Variants in XDH observed in about 807,000 individuals in gnomAD.
The protein encoded by XDH is xanthine dehydrogenase.
A neutral mutation model predicts 156.1 loss-of-function variants in XDH; 138 were observed. The observed-to-expected ratio is 0.88, with a 90% CI of 0.77 to 1.02. The LOEUF is 1.02. Among genes scored for constraint, XDH ranks in the 50% least tolerant of loss-of-function variants. The pLI, the probability that XDH is intolerant of heterozygous loss-of-function variation, is 0.00. For synonymous variants in XDH, 669 were observed against 625.7 expected (o/e 1.07, Z -1.03); for missense variants, 1,849 against 1,684.9 (o/e 1.10, Z -1.71).
At chr2:31,407,752 G>T (rs2148012030) in intron 1 of XDH, among the ~76,000 whole-genome samples, 1 of 152,222 alleles carries the variant, frequency 6.6e-6, no homozygotes, top group East Asian at 1.9e-4. Context: ...ATAACCATAA[G>T]ATTTTTTATT....
In XDH at chr2:31,362,278, G is replaced by T. The variant is rs1278247648; in HGVS notation, c.2631+1880C>A. On this transcript the variant is annotated intron_variant, in intron 24 of 35. Transcript: ENST00000379416. ...ACTAGTGGAACCAGGATTCAGAAAA[G>T]ATGTCTGGATCCAAAAAGGGGAGGC... Among the ~76,000 whole-genome samples the T allele has an allele frequency of 2.6e-5, 4 of 152,248 alleles. No homozygotes were observed. In the East Asian group the frequency reaches 5.8e-4, roughly 22 times the overall value.
chr2:31,348,984 G>A lies in XDH; in HGVS notation c.2970-4C>T. 2 of 1,612,408 alleles carry A rather than the reference G, an allele frequency of 1.2e-6. No homozygotes were observed. Among genetic ancestry groups the A allele is most frequent in the Non-Finnish European group, 1.7e-6 (2 of 1,178,486 alleles). On this transcript the variant is annotated splice_polypyrimidine_tract_variant and splice_region_variant and intron_variant, in intron 26 of 35. Transcript: ENST00000379416. The stretch of plus-strand genomic sequence containing the variant: ...TCTCTTTTTCCAACAATTCTCCCTA[G>A]AGAAAAAGGAATATTCTTATAGAAC...
At position 31,339,617 on chromosome 2, in the gene XDH, G is replaced by A. The variant is rs767242541; in HGVS notation, c.3646C>T (p.Pro1216Ser). ...CCACGGGTGTGCAGGCTCCCCTCGGGGGAATAGTGTAGCTCCTCTAGGGTG... is the reference window on the plus strand; with the variant it reads ...CCACGGGTGTGCAGGCTCCCCTCGGAGGAATAGTGTAGCTCCTCTAGGGTG... ...LFTLEELHYS[P>S]EGSLHTRGPS... is the part of the protein sequence containing the mutation. The change falls in exon 34 of 36, where the codon CCC becomes TCC. Residue 1216 changes from proline (P) to serine (S), a missense_variant. By Grantham distance (74) the Pro-to-Ser change is moderately conservative. Transcript: ENST00000379416. 1.9e-6 allele frequency: 3 copies of A among 1,613,986 alleles called. No individual in the cohort carries two copies. The highest frequency in any genetic ancestry group is 1.3e-5 in the African/African-American group (1 of 74,944).
chr2:31,388,713 G>T (rs1005938461), intron 6 of XDH, among the ~76,000 whole-genome samples: 1 of 152,174 alleles, frequency 6.6e-6, no homozygotes, highest in East Asian at 1.9e-4. Context: ...GGGCGTGGCT[G>T]GTGTCTCCCA....
intron 20 of XDH, 70 bp downstream of exon 20, chr2:31,367,891 T>C: frequency 2.8e-6 from 4 of 1,417,440 alleles, no homozygotes; most frequent in South Asian, 2.3e-5. Context: ...CAGGGTTCAA[T>C]GCATATCTCT....
At chr2:31,389,184 A>T (rs1460762046) in intron 6 of XDH, among the ~76,000 whole-genome samples, 3 of 152,224 alleles carry the variant, frequency 2.0e-5, no homozygotes, top group African/African-American at 7.2e-5. Context: ...TCTGCAAGTC[A>T]GCCACAGGAG....
At chr2:31,395,739 C>T (rs957456273) in intron 6 of XDH, among the ~76,000 whole-genome samples, 2 of 152,232 alleles carry the variant, frequency 1.3e-5, no homozygotes, top group African/African-American at 4.8e-5. Flanking sequence ...GCCTGTCTGT[C>T]TCTCCAATTT....
At chr2:31,375,023 C>CTTTTTTTTTT (rs60340656) in intron 15 of XDH, among the ~76,000 whole-genome samples, 44 of 92,350 alleles carry the variant, frequency 4.8e-4, no homozygotes, top group Non-Finnish European at 6.3e-4. Flanking sequence ...TTCTTTCTTT[C>CTTTTTTTTTT]TTTTTTTTTT....
At chr2:31,370,943 T>C (rs1686055110) in intron 17 of XDH, among the ~76,000 whole-genome samples, 2 of 152,198 alleles carry the variant, frequency 1.3e-5, no homozygotes. Context: ...GAACAGCACT[T>C]ACTCTGGAGC....
rs1685376034 is a variant in XDH, at chr2:31,348,937, T to C, written c.3013A>G (p.Lys1005Glu). 1 of 1,613,452 alleles carries C rather than the reference T, an allele frequency of 6.2e-7. No individual in the cohort carries two copies. Among genetic ancestry groups the C allele is most frequent in the South Asian group, 1.1e-5 (1 of 91,078 alleles). ...KKRGLCIIPT[K>E]FGISFTVPFL... Reference sequence around the variant, plus strand: ...GGAACTGTAAAGCTTATTCCAAACTTGGTGGGAATTATGCACAATCCTCTC... The same window carrying C: ...GGAACTGTAAAGCTTATTCCAAACTCGGTGGGAATTATGCACAATCCTCTC... Residue 1005 changes from lysine (K) to glutamate (E), a missense_variant, in exon 27 of 36, where the codon AAG becomes GAG. By Grantham distance (56) the Lys-to-Glu change is moderately conservative (BLOSUM62 1). Coordinates refer to ENST00000379416, the MANE Select transcript of XDH (RefSeq NM_000379.4).
chr2:31,386,656 A>C (rs1686605937), intron 8 of XDH, 101 bp from the exon 9 acceptor site: 2 of 1,485,816 alleles, frequency 1.3e-6, no homozygotes, highest in South Asian at 1.2e-5. Context: ...ACTGACATTC[A>C]GAATGAAAAT....
Position 31,386,442 on chromosome 2 carries a change from G to C in XDH, c.765C>G (p.Ala255=). The C allele has an allele frequency of 6.2e-7, 1 of 1,613,866 alleles. No individual in the cohort carries two copies. Among genetic ancestry groups the C allele is most frequent in the South Asian group, 1.1e-5 (1 of 91,066 alleles). The part of the protein sequence containing the change: ...LLDLKAQHPD[A]KLVVGNTEIG... Reference sequence around the variant, plus strand: ...TCTCCGTGTTCCCCACGACCAGCTTGGCGTCAGGGTGCTGAGCCTTGAGGT... The same window carrying C: ...TCTCCGTGTTCCCCACGACCAGCTTCGCGTCAGGGTGCTGAGCCTTGAGGT... Residue 255 remains alanine, a synonymous_variant, in exon 9 of 36, where the codon GCC becomes GCG. Coordinates refer to ENST00000379416, the MANE Select transcript of XDH (RefSeq NM_000379.4).
intron 13 of XDH, among the ~76,000 whole-genome samples, chr2:31,378,208 C>A (rs6709675): frequency 0.013 from 1,868 of 147,212 alleles, 127 homozygotes; most frequent in African/African-American, 0.047. Flanking sequence ...AGAAAGCAAG[C>A]AAGAAAGAAA....
chr2:31,365,897 G>A, intron 22 of XDH, 79 bp downstream of exon 22: 2 of 1,606,620 alleles, frequency 1.2e-6, no homozygotes, highest in Non-Finnish European at 1.7e-6. Flanking sequence ...ACAGGGGGAA[G>A]TCCTGAAAAC....
intron 24 of XDH, among the ~76,000 whole-genome samples, chr2:31,362,187 T>A (rs1685796694): frequency 6.6e-6 from 1 of 152,176 alleles, no homozygotes; most frequent in Non-Finnish European, 1.5e-5. Flanking sequence ...CTAGGCAGCC[T>A]TTAACTGAAG....
rs1200721229 is a variant in XDH, at chr2:31,364,192, C to A, written c.2597G>T (p.Ser866Ile). The change falls in exon 24 of 36, where the codon AGC becomes ATC. Residue 866 changes from serine (S) to isoleucine (I), a missense_variant. Ser to Ile is a moderately radical substitution (Grantham distance 142). Transcript: ENST00000379416. The stretch of plus-strand genomic sequence containing the variant: ...GAGATCCTGGGTGTTCCCCACATTG[C>A]TGAAGTGGTCCACCTCAAGAGCCAC... The part of the protein sequence containing the change: ...TVVALEVDHF[S>I]NVGNTQDLSQ... 1.9e-6 allele frequency: 3 copies of A among 1,614,024 alleles called. No individual in the cohort carries two copies. Among genetic ancestry groups the A allele is most frequent in the South Asian group, 2.2e-5 (2 of 91,078 alleles).
At chr2:31,396,405 G>C (rs1338955315) in intron 6 of XDH, among the ~76,000 whole-genome samples, 2 of 152,208 alleles carry the variant, frequency 1.3e-5, no homozygotes, top group Non-Finnish European at 2.9e-5. Context: ...GAAACAGTGA[G>C]TAACTTGGGA....
intron 11 of XDH, 142 bp from the exon 12 acceptor site, chr2:31,381,868 G>T (rs1686444764): frequency 5.4e-6 from 4 of 743,126 alleles, no homozygotes; most frequent in Non-Finnish European, 9.5e-6. Context: ...CACAATACCA[G>T]CATAGTGAGA....
chr2:31,335,588 T>G lies in XDH; in HGVS notation c.*370A>C, dbSNP rs1684951484. The G allele has an allele frequency of 5.7e-6, 2 of 348,558 alleles. No individual in the cohort carries two copies. The highest frequency in any genetic ancestry group is 2.9e-5 in the South Asian group (1 of 34,936). The allele number at this position is 348,558 out of a possible 1,614,324, so 21.6% of individuals were successfully genotyped here. On this transcript the variant is annotated 3_prime_UTR_variant, in exon 36 of 36. Transcript: ENST00000379416. ...TAACTTCGGTTTAAGCTTCTAGAGG[T>G]TTGTGGGAATCCTCTTCAAAGGACA...
Sources: gnomAD v4.1 joint callset for allele counts (sites outside exome capture counted in the v4.1 genomes callset) on GRCh38, gnomAD v4.1.1 for gene constraint, MANE v1.5 for transcripts, NCBI Gene and HGNC (gene_info 2026-07-23, HGNC 2026-07-21) for gene names.